Variants in CACHD1 observed in about 807,000 individuals in gnomAD.
CACHD1 encodes the protein VWFA and cache domain-containing protein 1.
CACHD1 carries 71 observed loss-of-function variants against 138.7 expected under a neutral mutation model. That is an observed-to-expected ratio of 0.51 (90% CI 0.42 to 0.62). The LOEUF is 0.62. CACHD1 is among the 20% of genes least tolerant of loss of function. CACHD1 has a pLI of 0.00. For synonymous variants in CACHD1, 578 were observed against 591.5 expected (o/e 0.98, Z 0.33); for missense variants, 1,389 against 1,625.3 (o/e 0.85, Z 2.50).
chr1:64,528,436 C>T (rs897312450), intron 1 of CACHD1, among the ~76,000 whole-genome samples: 2 of 152,058 alleles, frequency 1.3e-5, no homozygotes, highest in Admixed American at 6.6e-5. Flanking sequence ...GAGTGTCTGC[C>T]TAGGGAATCT....
At chr1:64,483,873 C>T (rs200962039) in intron 1 of CACHD1, among the ~76,000 whole-genome samples, 2,331 of 146,816 alleles carry the variant, frequency 0.016, 76 homozygotes, top group African/African-American at 0.057. Flanking sequence ...TTCCCCCCCC[C>T]CCTTGCATAT....
intron 4 of CACHD1, among the ~76,000 whole-genome samples, chr1:64,620,891 C>T (rs1647890272): frequency 6.6e-6 from 1 of 152,138 alleles, no homozygotes. Flanking sequence ...CTATTAAGAT[C>T]TTGTGCCTTA....
At chr1:64,663,240 A>T (rs4915996) in intron 13 of CACHD1, among the ~76,000 whole-genome samples, 114,137 of 151,880 alleles carry the variant, frequency 0.75, 46,253 homozygotes, top group Non-Finnish European at 0.93. Flanking sequence ...CCCTGAAGGG[A>T]GAGAATGTGG....
intron 9 of CACHD1, among the ~76,000 whole-genome samples, chr1:64,648,373 G>T (rs529095835): frequency 6.6e-6 from 1 of 152,238 alleles, no homozygotes; most frequent in South Asian, 2.1e-4. Context: ...TGGCATCATC[G>T]CACAAACATG....
intron 6 of CACHD1, among the ~76,000 whole-genome samples, 156 bp from the exon 7 acceptor site, chr1:64,633,888 T>A (rs762253626): frequency 5.3e-5 from 8 of 152,284 alleles, no homozygotes; most frequent in Non-Finnish European, 1.2e-4. Context: ...CTTTTCAAAT[T>A]TGATAGATGG....
chr1:64,526,411 G>A (rs1331485568), intron 1 of CACHD1, among the ~76,000 whole-genome samples: 1 of 151,914 alleles, frequency 6.6e-6, no homozygotes, highest in East Asian at 1.9e-4. Flanking sequence ...AAAGCCATTT[G>A]AGAAAGAGAC....
chr1:64,471,632 G>A (rs1172351021), intron 1 of CACHD1, among the ~76,000 whole-genome samples: 1 of 152,214 alleles, frequency 6.6e-6, no homozygotes, highest in Non-Finnish European at 1.5e-5. Flanking sequence ...GACTCTTTTT[G>A]TTGCTTTCCG....
At chr1:64,677,566 C>G (rs1402508146) in intron 22 of CACHD1, among the ~76,000 whole-genome samples, 1 of 152,158 alleles carries the variant, frequency 6.6e-6, no homozygotes, top group East Asian at 1.9e-4. Flanking sequence ...AGAGGGATAG[C>G]TTACTCTGCT....
chr1:64,631,744 T>C (rs1016761299), intron 5 of CACHD1, among the ~76,000 whole-genome samples: 1 of 152,110 alleles, frequency 6.6e-6, no homozygotes, highest in African/African-American at 2.4e-5. Context: ...GGGAGGCATT[T>C]CTCCTTTGTG....
chr1:64,685,272 T>G (rs1650330121), intron 26 of CACHD1, among the ~76,000 whole-genome samples: 1 of 152,202 alleles, frequency 6.6e-6, no homozygotes, highest in Non-Finnish European at 1.5e-5. Context: ...GTTTGTAGCC[T>G]AGAAGAATAG....
intron 13 of CACHD1, among the ~76,000 whole-genome samples, chr1:64,660,063 T>C (rs561347512): frequency 6.6e-6 from 1 of 152,338 alleles, no homozygotes; most frequent in Non-Finnish European, 1.5e-5. Context: ...TATATTTCTT[T>C]GTTTTGATTT....
At chr1:64,690,916 C>A (rs1650527626) in intron 26 of CACHD1, among the ~76,000 whole-genome samples, 1 of 152,030 alleles carries the variant, frequency 6.6e-6, no homozygotes, top group African/African-American at 2.4e-5. Flanking sequence ...TTTTGGATTT[C>A]TTTAATAAAA....
intron 15 of CACHD1, 79 bp downstream of exon 15, chr1:64,664,758 A>G (rs1249115290): frequency 7.9e-7 from 1 of 1,267,338 alleles, no homozygotes; most frequent in Non-Finnish European, 1.1e-6. Context: ...CAATAAAGCA[A>G]CTTCAGGGCA....
In CACHD1 at chr1:64,501,514, C is replaced by T. The variant is rs137867162; in HGVS notation, c.198+30572C>T. Among the ~76,000 whole-genome samples the T allele has an allele frequency of 2.0e-5, 3 of 152,328 alleles. No homozygotes were observed. The East Asian group carries it at 5.8e-4, about 29-fold the overall frequency. The stretch of plus-strand genomic sequence containing the variant: ...TTATGCCTTTTTGTGTTGATGCCTT[C>T]AGCAGTTAATTTCATAGTTTAACTA... On this transcript the variant is annotated intron_variant, in intron 1 of 26. Coordinates refer to ENST00000651257, the MANE Select transcript of CACHD1 (RefSeq NM_020925.4).
intron 1 of CACHD1, among the ~76,000 whole-genome samples, chr1:64,508,134 T>G (rs989627201): frequency 2.0e-5 from 3 of 152,058 alleles, no homozygotes; most frequent in Non-Finnish European, 4.4e-5. Context: ...TGCTACACAC[T>G]TTGAAACAAC....
At chr1:64,633,954 C>A in intron 6 of CACHD1, 90 bp from the exon 7 acceptor site, 1 of 948,772 alleles carries the variant, frequency 1.1e-6, no homozygotes, top group Non-Finnish European at 1.6e-6. Context: ...GGCCTTCTTA[C>A]TCCTTGGCCT....
chr1:64,652,359 G>T (rs749891127), intron 10 of CACHD1, 49 bp downstream of exon 10: 3 of 1,499,152 alleles, frequency 2.0e-6, no homozygotes, highest in Admixed American at 2.0e-5. Context: ...GAAACCTAAA[G>T]AAAATAAGGT....
At chr1:64,587,136 C>T (rs757808487) in intron 3 of CACHD1, among the ~76,000 whole-genome samples, 2 of 152,260 alleles carry the variant, frequency 1.3e-5, no homozygotes, top group Non-Finnish European at 2.9e-5. Flanking sequence ...GGTATGATGG[C>T]TGTTTGTTAC....
At chr1:64,511,127 G>T (rs1315339417) in intron 1 of CACHD1, among the ~76,000 whole-genome samples, 1 of 152,214 alleles carries the variant, frequency 6.6e-6, no homozygotes, top group Non-Finnish European at 1.5e-5. Context: ...GGACATTAAA[G>T]CAGATGGAGT....
Sources: allele counts gnomAD v4.1 joint callset (sites outside exome capture counted in the v4.1 genomes callset), GRCh38; gene constraint gnomAD v4.1.1; transcripts MANE v1.5; gene names NCBI Gene and HGNC (gene_info 2026-07-23, HGNC 2026-07-21).